PPP2R2C: variants seen among roughly 807,000 people sequenced by gnomAD.
PPP2R2C encodes the protein protein phosphatase 2, regulatory subunit B, gamma.
PPP2R2C carries 10 observed loss-of-function variants against 45.3 expected under a neutral mutation model. The observed-to-expected ratio is 0.22, with a 90% confidence interval of 0.14 to 0.37. The LOEUF (loss-of-function observed/expected upper bound fraction) is 0.37, where lower values mean the gene tolerates loss of function less well. Among genes scored for constraint, PPP2R2C ranks in the 10% least tolerant of loss-of-function variants. The pLI is 1.00. For synonymous variants in PPP2R2C, 257 were observed against 245.4 expected, an observed-to-expected ratio of 1.05 and a Z score of -0.44; for missense variants, 308 against 619.7, an observed-to-expected ratio of 0.50 and a Z score of 5.34.
intron 2 of PPP2R2C, among the ~76,000 whole-genome samples, chr4:6,525,031 A>G (rs1346155629): frequency 1.3e-5 from 2 of 152,180 alleles, no homozygotes; most frequent in African/African-American, 4.8e-5. Flanking sequence ...GGCTGCAGTG[A>G]GCTATGAAGG....
chr4:6,527,600 C>G (rs1553907018), intron 2 of PPP2R2C, among the ~76,000 whole-genome samples: 1 of 127,468 alleles, frequency 7.8e-6, no homozygotes, highest in Non-Finnish European at 1.7e-5. Context: ...GACCCCACCC[C>G]ACCTCCAGGC....
chr4:6,512,437 ATGGTGGCGGTGGTGGTGG>A (rs1723654870), intron 2 of PPP2R2C, among the ~76,000 whole-genome samples: 1 of 27,518 alleles, frequency 3.6e-5, no homozygotes, highest in Non-Finnish European at 7.6e-5. Flanking sequence ...GGTGGTGGTG[ATGGTGGCGGTGGTGGTGG>A]TGGTGGTGAT....
chr4:6,482,192 C>A (rs560282956), intron 2 of PPP2R2C, among the ~76,000 whole-genome samples: 183 of 152,214 alleles, frequency 1.2e-3, no homozygotes, highest in African/African-American at 4.3e-3. Context: ...CAATAACAAC[C>A]ATTTATATAG....
chr4:6,328,000 C>T (rs1368683823), intron 8 of PPP2R2C, among the ~76,000 whole-genome samples: 4 of 152,162 alleles, frequency 2.6e-5, no homozygotes, highest in South Asian at 2.1e-4. Context: ...ACACACCAAC[C>T]CTGATGGTCC....
chr4:6,421,561 G>A (rs1230257036), intron 1 of PPP2R2C, among the ~76,000 whole-genome samples: 3 of 152,272 alleles, frequency 2.0e-5, no homozygotes, highest in Middle Eastern at 3.4e-3. Context: ...AATGGCGGCC[G>A]TGAAAACGAA....
chr4:6,358,381 C>T (rs1428964453), intron 5 of PPP2R2C, among the ~76,000 whole-genome samples: 2 of 151,832 alleles, frequency 1.3e-5, no homozygotes, highest in Admixed American at 1.3e-4. Context: ...ACCAGAAAAA[C>T]CATAGAAAAA....
In PPP2R2C at chr4:6,329,748, C is replaced by T. The variant is rs529186431; in HGVS notation, c.961-395G>A. Among the ~76,000 whole-genome samples, 1 of 152,320 alleles carries T rather than the reference C, an allele frequency of 6.6e-6. No individual in the cohort carries two copies. The highest frequency in any genetic ancestry group is 2.1e-4 in the South Asian group (1 of 4,830). ...CAGAGACGGGAGTAGCACCAGGGAG[C>T]AGAGTCCACTGTGACAAACAGAACG... On this transcript the variant is annotated intron_variant, in intron 7 of 8. Coordinates refer to ENST00000382599, the MANE Select transcript of PPP2R2C (RefSeq NM_020416.4). This position sits in a 1 kb window ranked among gnomAD's most constrained non-coding sequence, Gnocchi z 5.8.
intron 1 of PPP2R2C, among the ~76,000 whole-genome samples, chr4:6,549,544 C>T (rs1013140767): frequency 3.9e-5 from 6 of 152,228 alleles, no homozygotes; most frequent in African/African-American, 1.4e-4. Context: ...GGGCACGACC[C>T]TCCACTTCTC....
At chr4:6,467,776 G>C (rs1451075413) in intron 1 of PPP2R2C, among the ~76,000 whole-genome samples, 1 of 152,170 alleles carries the variant, frequency 6.6e-6, no homozygotes, top group East Asian at 1.9e-4. Context: ...GAAGTTCAGA[G>C]GCGGCCTGGA....
Position 6,323,192 on chromosome 4 carries a change from G to T in PPP2R2C, c.*110C>A. On this transcript the variant is annotated 3_prime_UTR_variant, in exon 9 of 9. Coordinates refer to ENST00000382599, the MANE Select transcript of PPP2R2C (RefSeq NM_020416.4). The stretch of plus-strand genomic sequence containing the variant: ...TCCACACACTGCCACCTCTGCAGCT[G>T]TCCTCATCAGTGCTGTGACTTTCTT... 1 of 1,332,388 alleles carries T rather than the reference G, an allele frequency of 7.5e-7. No homozygotes were observed. Among genetic ancestry groups the T allele is most frequent in the Non-Finnish European group, 1.0e-6 (1 of 983,202 alleles). The allele number at this position is 1,332,388 out of a possible 1,614,324, so 82.5% of individuals were successfully genotyped here.
chr4:6,470,252 G>C (rs1177672704), intron 1 of PPP2R2C, among the ~76,000 whole-genome samples: 1 of 152,096 alleles, frequency 6.6e-6, no homozygotes, highest in African/African-American at 2.4e-5. Flanking sequence ...CAGTCCCCAG[G>C]GATAAAACAG....
intron 1 of PPP2R2C, among the ~76,000 whole-genome samples, chr4:6,395,483 C>T (rs943120953): frequency 6.6e-6 from 1 of 152,214 alleles, no homozygotes; most frequent in Non-Finnish European, 1.5e-5. Flanking sequence ...CCTTTCCTCC[C>T]TCCTTGTGGA....
chr4:6,466,670 C>T (rs1560569205), intron 1 of PPP2R2C, among the ~76,000 whole-genome samples: 1 of 152,180 alleles, frequency 6.6e-6, no homozygotes, highest in Non-Finnish European at 1.5e-5. Context: ...CATACAGCGG[C>T]TCTTCCAGTC....
intron 1 of PPP2R2C, among the ~76,000 whole-genome samples, chr4:6,395,914 G>A (rs1716999817): frequency 6.6e-6 from 1 of 152,164 alleles, no homozygotes; most frequent in African/African-American, 2.4e-5. Flanking sequence ...GGGCATTAAG[G>A]CTTATGGGCC....
intron 1 of PPP2R2C, chr4:6,383,362 T>G (rs78232329): frequency 7.8e-7 from 1 of 1,289,800 alleles, no homozygotes; most frequent in Non-Finnish European, 1.0e-6. Context: ...TACTGTTGTA[T>G]GCACGGGGTC....
rs745326691 is a variant in PPP2R2C, at chr4:6,368,393, G to A, written c.625+4130C>T. ...GGGTATTTTACCAATGGTTTATCAC[G>A]TGTCCACTCCTGGAGGCAGAATCTT... On this transcript the variant is annotated intron_variant, in intron 5 of 8. Coordinates refer to ENST00000382599, the MANE Select transcript of PPP2R2C (RefSeq NM_020416.4). This position sits in a 1 kb window ranked among gnomAD's most constrained non-coding sequence, Gnocchi z 4.2. Among the ~76,000 whole-genome samples the A allele has an allele frequency of 2.0e-4, 30 of 152,128 alleles. No homozygotes were observed. The highest frequency in any genetic ancestry group is 3.1e-4 in the African/African-American group (13 of 41,418).
chr4:6,446,429 C>T (rs552784382), intron 1 of PPP2R2C, among the ~76,000 whole-genome samples: 30 of 152,236 alleles, frequency 2.0e-4, no homozygotes, highest in Admixed American at 1.4e-3. Context: ...AGCCAGGCCA[C>T]GGGGGGAACA....
chr4:6,472,304 G>T lies in PPP2R2C; in HGVS notation c.-75C>A. 1 of 1,588,434 alleles carries T rather than the reference G, an allele frequency of 6.3e-7. No homozygotes were observed. The highest frequency in any genetic ancestry group is 2.3e-5 in the East Asian group (1 of 43,550). Reference sequence around the variant, plus strand: ...GCAATCCGCAGAGGTCGCGCCGGGCGCGCGGGCCATGCCGCCGCAGCCTAG... The same window carrying T: ...GCAATCCGCAGAGGTCGCGCCGGGCTCGCGGGCCATGCCGCCGCAGCCTAG... On this transcript the variant is annotated 5_prime_UTR_variant, in exon 1 of 9. Coordinates refer to ENST00000382599, the MANE Select transcript of PPP2R2C (RefSeq NM_020416.4).
rs747131739 is a variant in PPP2R2C, at chr4:6,372,743, G to A, written c.448-43C>T. On this transcript the variant is annotated intron_variant, in intron 4 of 8. Transcript: ENST00000382599. ...GCAGGGAAGAGGTGAAGGCCAGGTGGTGGCATCAGGACATAGCATGCCGTG... is the reference window on the plus strand; with the variant it reads ...GCAGGGAAGAGGTGAAGGCCAGGTGATGGCATCAGGACATAGCATGCCGTG... The A allele has an allele frequency of 3.1e-6, 5 of 1,589,378 alleles. No homozygotes were observed. The South Asian group carries it at 5.5e-5, about 18-fold the overall frequency.
Sources: gnomAD v4.1 joint callset for allele counts (sites outside exome capture counted in the v4.1 genomes callset) on GRCh38, gnomAD v4.1.1 for gene constraint, Gnocchi (gnomAD v3.1) non-coding constraint, MANE v1.5 for transcripts, NCBI Gene and HGNC (gene_info 2026-07-23, HGNC 2026-07-21) for gene names.